RTKN2: variants seen among roughly 807,000 people sequenced by gnomAD.
The protein encoded by RTKN2 is rhotekin 2, also known as rhotekin-2.
Under a neutral mutation model 71.5 loss-of-function variants are expected in RTKN2, and 69 were observed. The observed-to-expected ratio is 0.96, with a 90% CI of 0.79 to 1.18. RTKN2 has a LOEUF of 1.18. RTKN2 is among the 50% of genes most tolerant of loss of function. The probability of loss-of-function intolerance (pLI) is 0.00; values close to 1 mark genes in which losing one functional copy is unlikely to be tolerated. For missense variants in RTKN2, 724 were observed against 719.7 expected, an observed-to-expected ratio of 1.01 and a Z score of -0.07; for synonymous variants, 236 against 236.5, an observed-to-expected ratio of 1.00 and a Z score of 0.02.
intron 2 of RTKN2, among the ~76,000 whole-genome samples, chr10:62,252,007 G>T (rs4979763): frequency 0.89 from 135,465 of 152,046 alleles, 60,462 homozygotes; most frequent in East Asian, 0.99. Flanking sequence ...GCAAAGAAGA[G>T]CCAACGTATA....
chr10:62,239,716 C>T lies in RTKN2; in HGVS notation c.420G>A (p.Val140=), dbSNP rs1227453483. The T allele has an allele frequency of 1.3e-6, 2 of 1,593,070 alleles. No individual in the cohort carries two copies. Among genetic ancestry groups the T allele is most frequent in the Admixed American group, 1.7e-5 (1 of 58,314 alleles). The change falls in exon 5 of 12, where the codon GTG becomes GTA. Residue 140 remains valine (V), a synonymous_variant. Transcript: ENST00000373789. ...CCACATTCACCACATCAGTATCAAA[C>T]ACATTAGCTCCCATTTTGAATAAAC... is the stretch of plus-strand genomic sequence containing the variant. ...IFCLFKMGAN[V]FDTDVVNVDK... is the part of the protein sequence containing the mutation.
intron 9 of RTKN2, among the ~76,000 whole-genome samples, chr10:62,214,285 C>T (rs1358528102): frequency 2.0e-5 from 3 of 151,940 alleles, no homozygotes; most frequent in Admixed American, 6.6e-5. Context: ...TTATGTACAA[C>T]GGAAGAGATA....
chr10:62,268,764 C>G lies in RTKN2; in HGVS notation c.-154G>C. On this transcript the variant is annotated 5_prime_UTR_variant, in exon 1 of 12. Coordinates refer to ENST00000373789, the MANE Select transcript of RTKN2 (RefSeq NM_145307.4). The stretch of plus-strand genomic sequence containing the variant: ...GCGCAGGAGGAGCCGGGCCGAAGCG[C>G]ACGCGCAGTGGGCGCGCCTTGCGCT... 1 of 744,884 alleles carries G rather than the reference C, an allele frequency of 1.3e-6. No individual in the cohort carries two copies. Among genetic ancestry groups the G allele is most frequent in the Admixed American group, 3.1e-5 (1 of 32,642 alleles). 46.1% of individuals were successfully genotyped at this position (744,884 alleles called of 1,614,324 possible). A position where few individuals can be genotyped will look rare whatever the true frequency, so the allele number is the denominator to read the frequency against.
rs1046882341 is a variant in RTKN2, at chr10:62,210,222, G to A, written c.1021-5200C>T. Among the ~76,000 whole-genome samples, 13 of 151,994 alleles carry A rather than the reference G, an allele frequency of 8.6e-5. 1 individual carries two copies. Among genetic ancestry groups the A allele is most frequent in the Admixed American group, 8.5e-4 (13 of 15,262 alleles). ...CTTAAAGACTGCCTGGATTTTTAAC[G>A]ATATATTAACTACATATAATTATAT... On this transcript the variant is annotated intron_variant, in intron 9 of 11. Transcript: ENST00000373789.
chr10:62,239,506 T>A (rs1293925292), intron 5 of RTKN2, 142 bp downstream of exon 5: 3 of 467,152 alleles, frequency 6.4e-6, no homozygotes, highest in Non-Finnish European at 1.1e-5. Flanking sequence ...AACAAAATGA[T>A]TTTTAAAATC....
intron 2 of RTKN2, among the ~76,000 whole-genome samples, chr10:62,258,683 C>T (rs1186380293): frequency 1.3e-5 from 2 of 151,636 alleles, no homozygotes; most frequent in Admixed American, 1.3e-4. Context: ...TTTTTAATTC[C>T]AGAATTCAAT....
chr10:62,188,429 A>C (rs1054291611), downstream of RTKN2, among the ~76,000 whole-genome samples: 2 of 152,154 alleles, frequency 1.3e-5, no homozygotes, highest in African/African-American at 4.8e-5. Flanking sequence ...CACTTCCATT[A>C]TATTCTCTGA....
intron 3 of RTKN2, among the ~76,000 whole-genome samples, chr10:62,243,140 C>T (rs1177157095): frequency 8.7e-6 from 1 of 115,338 alleles, no homozygotes; most frequent in South Asian, 3.6e-4. Context: ...CCCCTCCCCC[C>T]ACCCCACAAC....
intron 8 of RTKN2, among the ~76,000 whole-genome samples, chr10:62,187,495 A>C (rs770963299): frequency 6.6e-6 from 1 of 152,206 alleles, no homozygotes; most frequent in Non-Finnish European, 1.5e-5. Flanking sequence ...AGAGAATTAC[A>C]CACATTCAGT....
chr10:62,239,897 A>G (rs557956703), intron 4 of RTKN2, 132 bp from the exon 5 acceptor site: 1 of 564,132 alleles, frequency 1.8e-6, no homozygotes, highest in Admixed American at 3.6e-5. Flanking sequence ...GTAACCCTTA[A>G]GTCTTACAGT....
Position 62,194,619 on chromosome 10 carries a change from C to T in RTKN2, c.*3289G>A. 4 of 985,358 alleles carry T rather than the reference C, an allele frequency of 4.1e-6. No individual in the cohort carries two copies. The highest frequency in any genetic ancestry group is 4.8e-6 in the Non-Finnish European group (4 of 829,886). The allele number at this position is 985,358 out of a possible 1,614,324, so 61.0% of individuals were successfully genotyped here. ...TAGTTGTGCCTCATTCGTGGTAACA[C>T]AGGTGATTACATTCAAATGGCATTT... On this transcript the variant is annotated 3_prime_UTR_variant, in exon 12 of 12. Coordinates refer to ENST00000373789, the MANE Select transcript of RTKN2 (RefSeq NM_145307.4).
At position 62,198,229 on chromosome 10, in the gene RTKN2, T is replaced by A. The variant is rs1393174616; in HGVS notation, c.1509A>T (p.Gln503His). The stretch of plus-strand genomic sequence containing the variant: ...GTTTATCAGAAGGAGGAAGGGGAGC[T>A]TGTCTCTTTTTCCCTTTTTCATCAT... ...PLHDEKGKKR[Q>H]APLPPSDKLP... The change falls in exon 12 of 12, where the codon CAA (glutamine) becomes CAT (histidine). Residue 503 changes from glutamine (Q) to histidine (H), a missense_variant. Gln to His is a conservative substitution (Grantham distance 24, BLOSUM62 0). Coordinates refer to ENST00000373789, the MANE Select transcript of RTKN2 (RefSeq NM_145307.4). 1 of 1,614,056 alleles carries A rather than the reference T, an allele frequency of 6.2e-7. No homozygotes were observed. Among genetic ancestry groups the A allele is most frequent in the Non-Finnish European group, 8.5e-7 (1 of 1,179,976 alleles).
At chr10:62,214,190 TATA>T (rs1282987786) in intron 9 of RTKN2, among the ~76,000 whole-genome samples, 4 of 151,768 alleles carry the variant, frequency 2.6e-5, no homozygotes, top group Non-Finnish European at 5.9e-5. Flanking sequence ...ATTTATATTC[TATA>T]ATAATAATAA....
At chr10:62,188,888 C>G (rs1221587066), downstream of RTKN2, among the ~76,000 whole-genome samples, 1 of 151,796 alleles carries the variant, frequency 6.6e-6, no homozygotes, top group Non-Finnish European at 1.5e-5. Context: ...GCTGGGACTA[C>G]AGGCGCTTGC....
chr10:62,193,280 CT>C lies in RTKN2; in HGVS notation c.*4627del, dbSNP rs1373606426. ...ACAAGATCTTTTCAATCTACCTCTC[CT>C]TTAGTAGTTACATTAAGAGATTACC... is the stretch of plus-strand genomic sequence containing the variant. On this transcript the variant is annotated 3_prime_UTR_variant, in exon 12 of 12. Coordinates refer to ENST00000373789, the MANE Select transcript of RTKN2 (RefSeq NM_145307.4). The C allele has an allele frequency of 1.0e-6, 1 of 971,630 alleles. No homozygotes were observed. Among genetic ancestry groups the C allele is most frequent in the Admixed American group, 6.2e-5 (1 of 16,230 alleles). 60.2% of individuals were successfully genotyped at this position (971,630 alleles called of 1,614,324 possible).
At chr10:62,239,419 A>G (rs1296698018) in intron 5 of RTKN2, 10 of 317,842 alleles carry the variant, frequency 3.1e-5, no homozygotes, top group Non-Finnish European at 5.1e-5. Context: ...TCAAATATTT[A>G]CTGCTAATAG....
chr10:62,223,276 T>A lies in RTKN2; in HGVS notation c.743A>T (p.Asp248Val). Residue 248 changes from aspartate (D) to valine (V), a missense_variant, in exon 7 of 12, where the codon GAT becomes GTT. Coordinates refer to ENST00000373789, the MANE Select transcript of RTKN2 (RefSeq NM_145307.4). The part of the protein sequence containing the change: ...HTTLTLESAE[D>V]SFKTHNLSIN... ...AGACAGATTATGGGTCTTGAAACTATCCTCAGCACTTTCCAAGGTTAGGGT... is the reference window on the plus strand; with the variant it reads ...AGACAGATTATGGGTCTTGAAACTAACCTCAGCACTTTCCAAGGTTAGGGT... 6.2e-7 allele frequency: 1 copy of A among 1,610,914 alleles called. No individual in the cohort carries two copies.
chr10:62,227,822 G>A (rs1483212065), intron 6 of RTKN2, among the ~76,000 whole-genome samples: 1 of 152,178 alleles, frequency 6.6e-6, no homozygotes, highest in Non-Finnish European at 1.5e-5. Flanking sequence ...TGGTGGGGTG[G>A]TGAGAAATGG....
chr10:62,259,219 A>G, intron 2 of RTKN2: 1 of 453,608 alleles, frequency 2.2e-6, no homozygotes, highest in Non-Finnish European at 4.4e-6. Context: ...GCCTTCTGCC[A>G]TGACTATGAG....
Sources: gnomAD v4.1 joint callset for allele counts (sites outside exome capture counted in the v4.1 genomes callset) on GRCh38, gnomAD v4.1.1 for gene constraint, MANE v1.5 for transcripts, NCBI Gene and HGNC (gene_info 2026-07-23, HGNC 2026-07-21) for gene names.